The following SAMD4A variants were observed in gnomAD, a reference collection of about 807,000 sequenced individuals.
SAMD4A encodes protein Smaug homolog 1.
In SAMD4A, 33 loss-of-function variants were observed where a neutral mutation model predicts 81.3. That is an observed-to-expected ratio of 0.41 (90% CI 0.31 to 0.54). The LOEUF is 0.54. Among genes scored for constraint, SAMD4A ranks in the 20% least tolerant of loss-of-function variants. The pLI, the probability that SAMD4A is intolerant of heterozygous loss-of-function variation, is 0.37. For missense variants in SAMD4A, 854 were observed against 951.1 expected (o/e 0.90, Z 1.34); for synonymous variants, 389 against 382.1 (o/e 1.02, Z -0.21).
chr14:54,764,681 A>T, intron 8 of SAMD4A, 141 bp downstream of exon 8: 1 of 605,872 alleles, frequency 1.7e-6, no homozygotes, highest in Non-Finnish European at 2.9e-6. Context: ...GTTGGGCAGA[A>T]CTAGGCTATG....
At chr14:54,731,273 C>A (rs188460579) in intron 3 of SAMD4A, among the ~76,000 whole-genome samples, 1 of 152,274 alleles carries the variant, frequency 6.6e-6, no homozygotes, top group African/African-American at 2.4e-5. Context: ...GAATTATATG[C>A]TGTGAAGCCT....
intron 8 of SAMD4A, among the ~76,000 whole-genome samples, chr14:54,766,030 C>T (rs2038531980): frequency 6.6e-6 from 1 of 152,166 alleles, no homozygotes; most frequent in African/African-American, 2.4e-5. Context: ...ACACGCCATC[C>T]TCTGAAATGT....
At chr14:54,600,044 T>G (rs1157601271) in intron 2 of SAMD4A, among the ~76,000 whole-genome samples, 4 of 152,230 alleles carry the variant, frequency 2.6e-5, no homozygotes, top group African/African-American at 9.6e-5. Flanking sequence ...CCACATCATT[T>G]CCTACTGCCA....
intron 3 of SAMD4A, among the ~76,000 whole-genome samples, chr14:54,722,773 T>C (rs2037295211): frequency 2.0e-5 from 3 of 152,202 alleles, no homozygotes; most frequent in Admixed American, 2.0e-4. Flanking sequence ...GGTAAATACA[T>C]GAGGGAGACA....
intron 3 of SAMD4A, among the ~76,000 whole-genome samples, chr14:54,720,299 A>G (rs750036373): frequency 2.6e-5 from 4 of 152,048 alleles, no homozygotes; most frequent in African/African-American, 4.8e-5. Flanking sequence ...TCTGCTCCCA[A>G]TATTGCCTGT....
At chr14:54,744,046 G>A (rs2037908226) in intron 4 of SAMD4A, among the ~76,000 whole-genome samples, 1 of 152,182 alleles carries the variant, frequency 6.6e-6, no homozygotes, top group South Asian at 2.1e-4. Flanking sequence ...ATATCTTGGA[G>A]GGAGAGAGCT....
chr14:54,709,628 T>A (rs940906564), intron 3 of SAMD4A, among the ~76,000 whole-genome samples: 23 of 152,104 alleles, frequency 1.5e-4, no homozygotes, highest in African/African-American at 5.3e-4. Context: ...GTAAGGCCAC[T>A]CAAGGGTATG....
intron 7 of SAMD4A, 103 bp downstream of exon 7, chr14:54,760,597 A>G: frequency 7.4e-7 from 1 of 1,347,602 alleles, no homozygotes; most frequent in East Asian, 3.1e-5. Flanking sequence ...TCCCTGTCCA[A>G]GTAGACATCA....
intron 2 of SAMD4A, among the ~76,000 whole-genome samples, chr14:54,660,006 G>A (rs974884657): frequency 1.3e-5 from 2 of 151,962 alleles, no homozygotes; most frequent in Non-Finnish European, 2.9e-5. Flanking sequence ...GCGTGAACCC[G>A]GGAGGCGGAG....
chr14:54,748,815 A>G lies in SAMD4A; in HGVS notation c.980A>G (p.Asp327Gly). 1 of 1,550,576 alleles carries G rather than the reference A, an allele frequency of 6.4e-7. No homozygotes were observed. The change falls in exon 5 of 13, where the codon GAT (aspartate) becomes GGT (glycine). Residue 327 changes from aspartate to glycine, a missense_variant and splice_region_variant. Asp to Gly is a moderately conservative substitution (Grantham distance 94, BLOSUM62 -1). Transcript: ENST00000554335. ...ATCTCTTGCACATCTTGCACCACAG[A>G]TGTTCCAGCCTGGCTGAAAAGCCTC... Reference protein sequence around the residue: ...TFQEEGSGMKDVPAWLKSLRL... With the variant: ...TFQEEGSGMKGVPAWLKSLRL...
intron 3 of SAMD4A, among the ~76,000 whole-genome samples, chr14:54,731,908 G>T (rs1335919596): frequency 6.6e-6 from 1 of 152,174 alleles, no homozygotes; most frequent in Non-Finnish European, 1.5e-5. Context: ...AGCAGCTTCA[G>T]CTTCTAGACT....
intron 2 of SAMD4A, among the ~76,000 whole-genome samples, chr14:54,619,778 A>G (rs562671828): frequency 6.6e-6 from 1 of 152,136 alleles, no homozygotes; most frequent in Admixed American, 6.5e-5. Flanking sequence ...GCTAAGGATG[A>G]TGGCCTCCAG....
At chr14:54,783,915 C>T (rs985599845) in intron 11 of SAMD4A, among the ~76,000 whole-genome samples, 4 of 152,098 alleles carry the variant, frequency 2.6e-5, no homozygotes, top group Non-Finnish European at 4.4e-5. Flanking sequence ...GAGCACTCAG[C>T]GGGGTCAGGG....
At chr14:54,767,814 T>C (rs1012475361) in intron 8 of SAMD4A, among the ~76,000 whole-genome samples, 6 of 152,318 alleles carry the variant, frequency 3.9e-5, no homozygotes, top group African/African-American at 1.4e-4. Context: ...CAGGAACCAG[T>C]GTTCAGAAAC....
intron 2 of SAMD4A, among the ~76,000 whole-genome samples, chr14:54,701,393 T>A (rs773305453): frequency 1.3e-5 from 2 of 152,176 alleles, no homozygotes; most frequent in Non-Finnish European, 2.9e-5. Flanking sequence ...AACAAGCTGA[T>A]CTCTACATAA....
intron 2 of SAMD4A, among the ~76,000 whole-genome samples, chr14:54,657,660 T>C (rs1456457790): frequency 6.6e-6 from 1 of 152,246 alleles, no homozygotes; most frequent in African/African-American, 2.4e-5. Context: ...TCTGCAGTGA[T>C]GTGGTCCATG....
At chr14:54,678,316 C>T (rs77872892) in intron 2 of SAMD4A, among the ~76,000 whole-genome samples, 1 of 152,124 alleles carries the variant, frequency 6.6e-6, no homozygotes, top group African/African-American at 2.4e-5. Context: ...GAGGGTACCT[C>T]TAGAATGAAG....
intron 4 of SAMD4A, among the ~76,000 whole-genome samples, chr14:54,746,631 G>A (rs1348035503): frequency 6.6e-6 from 1 of 152,196 alleles, no homozygotes; most frequent in Non-Finnish European, 1.5e-5. Flanking sequence ...GGTTTATAAA[G>A]CACCATGTTT....
upstream of SAMD4A, among the ~76,000 whole-genome samples, chr14:54,565,984 T>TC (rs1475181059): frequency 7.0e-6 from 1 of 143,712 alleles, no homozygotes; most frequent in Non-Finnish European, 1.5e-5. The surrounding 1 kb of genome is among the most constrained non-coding windows in gnomAD (Gnocchi z 5.4). Flanking sequence ...TCCCCCCGGC[T>TC]CCCCCCGCGT....
Sources: allele counts gnomAD v4.1 joint callset (sites outside exome capture counted in the v4.1 genomes callset), GRCh38; gene constraint gnomAD v4.1.1; non-coding constraint Gnocchi (gnomAD v3.1); transcripts MANE v1.5; gene names NCBI Gene and HGNC (gene_info 2026-07-23, HGNC 2026-07-21).